RLF: variants seen among roughly 807,000 people sequenced by gnomAD.
RLF encodes zinc finger protein Rlf.
RLF carries 7 observed loss-of-function variants against 162.9 expected under a neutral mutation model. The ratio of observed to expected loss-of-function variants is 0.04; its 90% CI spans 0.02 to 0.08. RLF has a LOEUF of 0.08. RLF is among the 10% of genes least tolerant of loss of function. The pLI, the probability that RLF is intolerant of heterozygous loss-of-function variation, is 1.00. For synonymous variants in RLF, 782 were observed against 791.5 expected, an observed-to-expected ratio of 0.99 and a Z score of 0.20; for missense variants, 1,664 against 2,244.7, an observed-to-expected ratio of 0.74 and a Z score of 5.23.
intron 5 of RLF, among the ~76,000 whole-genome samples, chr1:40,204,470 G>A (rs1031836526): frequency 5.9e-5 from 9 of 152,192 alleles, no homozygotes; most frequent in African/African-American, 1.9e-4. Context: ...GTGTGGTGGC[G>A]CACACTGCTC....
Position 40,240,577 on chromosome 1 carries a change from G to T in RLF, c.*130G>T. 1.5e-6 allele frequency: 1 copy of T among 655,768 alleles called. No individual in the cohort carries two copies. Among genetic ancestry groups the T allele is most frequent in the Non-Finnish European group, 2.7e-6 (1 of 373,970 alleles). The allele number at this position is 655,768 out of a possible 1,614,324, so 40.6% of individuals were successfully genotyped here. The stretch of plus-strand genomic sequence containing the variant: ...GAATAGGCTGTGTATTTACATGAAT[G>T]TATAATATCTATGTCAGCAGTATTG... On this transcript the variant is annotated 3_prime_UTR_variant, in exon 8 of 8. Coordinates refer to ENST00000372771, the MANE Select transcript of RLF (RefSeq NM_012421.4).
At position 40,202,508 on chromosome 1, in the gene RLF, C is replaced by T; in HGVS notation, c.704C>T (p.Ser235Leu). 6.3e-7 allele frequency: 1 copy of T among 1,577,112 alleles called. No homozygotes were observed. The highest frequency in any genetic ancestry group is 1.4e-5 in the African/African-American group (1 of 72,376). ...SNCIPQATAL[S>L]KLCAESKEIS... ...TGCATCCCCCAGGCTACTGCTTTAT[C>T]AAAACTATGTGCAGAATCTAAAGAA... The change falls in exon 5 of 8, where the codon TCA (serine) becomes TTA (leucine). Residue 235 changes from serine (S) to leucine (L), a missense_variant. Coordinates refer to ENST00000372771, the MANE Select transcript of RLF (RefSeq NM_012421.4).
At position 40,177,134 on chromosome 1, in the gene RLF, C is replaced by T. The variant is rs573084309; in HGVS notation, c.238-11921C>T. The stretch of plus-strand genomic sequence containing the variant: ...TCCTGAGTAGCTGGGAACAGGCGCC[C>T]ACCACCACACCCGGCTAATTTCTGT... On this transcript the variant is annotated intron_variant, in intron 1 of 7. Coordinates refer to ENST00000372771, the MANE Select transcript of RLF (RefSeq NM_012421.4). Among the ~76,000 whole-genome samples, 64 of 152,038 alleles carry T rather than the reference C, an allele frequency of 4.2e-4. 1 individual carries two copies. The highest frequency in any genetic ancestry group is 3.4e-3 in the Middle Eastern group (1 of 294).
chr1:40,239,063 T>G lies in RLF; in HGVS notation c.4361T>G (p.Ile1454Ser). 6.2e-7 allele frequency: 1 copy of G among 1,614,184 alleles called. No homozygotes were observed. Among genetic ancestry groups the G allele is most frequent in the Non-Finnish European group, 8.5e-7 (1 of 1,180,030 alleles). Residue 1454 changes from isoleucine to serine, a missense_variant, in exon 8 of 8, where the codon ATT becomes AGT. By Grantham distance (142) the Ile-to-Ser change is moderately radical. Coordinates refer to ENST00000372771, the MANE Select transcript of RLF (RefSeq NM_012421.4). ...TGTGATCTTAATGGCTGTGGCCAGA[T>G]TTTCACCCATCGCAGTAATTACTCA... Reference protein sequence around the residue: ...IHCDLNGCGQIFTHRSNYSQH... With the variant: ...IHCDLNGCGQSFTHRSNYSQH...
intron 5 of RLF, among the ~76,000 whole-genome samples, chr1:40,219,870 T>C (rs1384477329): frequency 6.6e-6 from 1 of 152,262 alleles, no homozygotes; most frequent in Admixed American, 6.5e-5. Flanking sequence ...AGTTAAACTT[T>C]GCTTGTTTAG....
intron 3 of RLF, among the ~76,000 whole-genome samples, chr1:40,194,850 AT>A (rs1216628406): frequency 1.6e-4 from 22 of 136,212 alleles, no homozygotes; most frequent in Non-Finnish European, 2.7e-4. Flanking sequence ...TTATTTATTT[AT>A]GAGACGGAGT....
chr1:40,221,556 C>T (rs1401396692), intron 5 of RLF, among the ~76,000 whole-genome samples: 1 of 151,792 alleles, frequency 6.6e-6, no homozygotes, highest in African/African-American at 2.4e-5. Context: ...CCCCTTGTAA[C>T]TGCGTAGCGC....
chr1:40,192,169 T>A (rs1386344334), intron 3 of RLF, among the ~76,000 whole-genome samples: 1 of 152,204 alleles, frequency 6.6e-6, no homozygotes, highest in Non-Finnish European at 1.5e-5. Context: ...ATATCTCACA[T>A]ATCCGTACAG....
At chr1:40,179,336 A>T (rs975004095) in intron 1 of RLF, among the ~76,000 whole-genome samples, 1 of 152,170 alleles carries the variant, frequency 6.6e-6, no homozygotes, top group Non-Finnish European at 1.5e-5. Flanking sequence ...ACTTTTACCC[A>T]GCATGATAAA....
At chr1:40,221,186 T>A (rs2124553045) in intron 5 of RLF, among the ~76,000 whole-genome samples, 1 of 152,140 alleles carries the variant, frequency 6.6e-6, no homozygotes, top group Non-Finnish European at 1.5e-5. Flanking sequence ...GGTTAAATGT[T>A]GGCCCAAGGC....
chr1:40,212,786 G>C (rs1359651997), intron 5 of RLF, among the ~76,000 whole-genome samples: 1 of 152,164 alleles, frequency 6.6e-6, no homozygotes, highest in Non-Finnish European at 1.5e-5. Flanking sequence ...AACACTGTTG[G>C]GAATTGACAC....
At chr1:40,205,864 T>C (rs943860747) in intron 5 of RLF, among the ~76,000 whole-genome samples, 1 of 152,196 alleles carries the variant, frequency 6.6e-6, no homozygotes, top group Non-Finnish European at 1.5e-5. Flanking sequence ...AATCTAATGA[T>C]GACTTTCAGT....
chr1:40,218,766 A>G (rs1269781965), intron 5 of RLF, among the ~76,000 whole-genome samples: 1 of 152,176 alleles, frequency 6.6e-6, no homozygotes, highest in African/African-American at 2.4e-5. Flanking sequence ...TCATTCTAAC[A>G]AATAGTTATT....
intron 5 of RLF, among the ~76,000 whole-genome samples, chr1:40,204,919 C>T (rs990251991): frequency 1.3e-5 from 2 of 152,192 alleles, no homozygotes; most frequent in African/African-American, 4.8e-5. Context: ...GTCTCTGAAA[C>T]ATCTATTCAT....
chr1:40,181,957 A>G (rs1269238936), intron 1 of RLF, among the ~76,000 whole-genome samples: 1 of 152,186 alleles, frequency 6.6e-6, no homozygotes, highest in African/African-American at 2.4e-5. Context: ...GTTCATCTTA[A>G]TATTTTATAT....
chr1:40,164,477 C>A (rs564419295), intron 1 of RLF, among the ~76,000 whole-genome samples: 23 of 152,256 alleles, frequency 1.5e-4, no homozygotes, highest in Non-Finnish European at 2.5e-4. Flanking sequence ...GAAAATGATA[C>A]TTAGGTCAAA....
intron 1 of RLF, among the ~76,000 whole-genome samples, chr1:40,181,310 G>T (rs1212303596): frequency 1.3e-5 from 2 of 152,128 alleles, no homozygotes; most frequent in East Asian, 3.9e-4. Context: ...CATGCCTGTA[G>T]TCCCAGGTAC....
chr1:40,229,201 A>G (rs1251367055), intron 6 of RLF, among the ~76,000 whole-genome samples: 2 of 152,186 alleles, frequency 1.3e-5, no homozygotes, highest in Non-Finnish European at 2.9e-5. Flanking sequence ...TACATATGAC[A>G]GATTACAAAA....
chr1:40,190,981 G>A (rs779410569), intron 3 of RLF, 128 bp downstream of exon 3: 6 of 478,782 alleles, frequency 1.3e-5, no homozygotes, highest in Non-Finnish European at 2.2e-5. Flanking sequence ...GTCATGAAAT[G>A]ATAAAAAGGC....
Sources: gnomAD v4.1 joint callset for allele counts (sites outside exome capture counted in the v4.1 genomes callset) on GRCh38, gnomAD v4.1.1 for gene constraint, MANE v1.5 for transcripts, NCBI Gene and HGNC (gene_info 2026-07-23, HGNC 2026-07-21) for gene names.